GUCY1A2: variants seen among roughly 807,000 people sequenced by gnomAD.
GUCY1A2 encodes guanylate cyclase 1 soluble subunit alpha 2.
Under a neutral mutation model 63.5 loss-of-function variants are expected in GUCY1A2, and 27 were observed. The ratio of observed to expected loss-of-function variants is 0.43; its 90% confidence interval spans 0.31 to 0.59. The LOEUF is 0.59. Ranked by LOEUF, GUCY1A2 falls within the 20% of genes least tolerant of loss-of-function variation. The probability of loss-of-function intolerance (pLI) is 0.11; values close to 1 mark genes in which losing one functional copy is unlikely to be tolerated. For missense variants in GUCY1A2, 768 were observed against 913.3 expected (o/e 0.84, Z 2.05); for synonymous variants, 364 against 343.5 (o/e 1.06, Z -0.66).
Position 107,017,837 on chromosome 11 carries a change from A to G in GUCY1A2, c.219T>C (p.Thr73=). ...GGCGCTGCACCCTCCTGGCCCCGGC[A>G]GTGGCAGCGGCGGCGGCGGCAGAAG... The part of the protein sequence containing the change: ...PAASAAAAAA[T]AGARRVQRRR... Residue 73 remains threonine, a synonymous_variant, in exon 1 of 8, where the codon ACT becomes ACC. Transcript: ENST00000526355. 7.8e-7 allele frequency: 1 copy of G among 1,282,918 alleles called. No individual in the cohort carries two copies. The highest frequency in any genetic ancestry group is 3.3e-5 in the South Asian group (1 of 30,538). The allele number at this position is 1,282,918 out of a possible 1,614,324, so 79.5% of individuals were successfully genotyped here.
chr11:106,762,632 T>C (rs1864085628), intron 6 of GUCY1A2, among the ~76,000 whole-genome samples: 2 of 152,172 alleles, frequency 1.3e-5, no homozygotes, highest in Non-Finnish European at 2.9e-5. Flanking sequence ...CTATTTTCTG[T>C]ATACTACATA....
intron 6 of GUCY1A2, among the ~76,000 whole-genome samples, chr11:106,745,433 T>C (rs993729960): frequency 6.6e-6 from 1 of 152,226 alleles, no homozygotes; most frequent in Non-Finnish European, 1.5e-5. Flanking sequence ...ATTATAACTC[T>C]CACTAAATTG....
In GUCY1A2 at chr11:106,754,682, GC is replaced by G. The variant is rs1218517136; in HGVS notation, c.1836+21756del. Among the ~76,000 whole-genome samples the G allele has an allele frequency of 2.0e-5, 3 of 152,174 alleles. No homozygotes were observed. The East Asian group carries it at 5.8e-4, about 29-fold the overall frequency. On this transcript the variant is annotated intron_variant, in intron 6 of 7. Transcript: ENST00000526355. ...TTTATTGATTGCATATGTTGAACCA[GC>G]CTTGCAACCCAGGGATGAAGCTGAC...
chr11:106,706,370 G>A (rs1224146881), intron 7 of GUCY1A2, among the ~76,000 whole-genome samples: 2 of 152,018 alleles, frequency 1.3e-5, no homozygotes, highest in Admixed American at 6.6e-5. Flanking sequence ...ATTTTGGGGG[G>A]CCTGGGGGTG....
chr11:106,799,383 T>C (rs1016035470), intron 5 of GUCY1A2, among the ~76,000 whole-genome samples: 2 of 152,104 alleles, frequency 1.3e-5, no homozygotes, highest in Admixed American at 6.5e-5. Context: ...CTTCACAGAA[T>C]TGGAAAAAAC....
intron 4 of GUCY1A2, among the ~76,000 whole-genome samples, chr11:106,923,768 G>A (rs1005048382): frequency 6.6e-6 from 1 of 151,958 alleles, no homozygotes; most frequent in African/African-American, 2.4e-5. Flanking sequence ...GACAGAACAG[G>A]TTATAAAATA....
chr11:106,960,933 A>T (rs750652402), intron 3 of GUCY1A2, among the ~76,000 whole-genome samples: 2 of 152,146 alleles, frequency 1.3e-5, no homozygotes, highest in African/African-American at 2.4e-5. Context: ...CAGAGATTAG[A>T]CGATATTAGT....
intron 5 of GUCY1A2, among the ~76,000 whole-genome samples, chr11:106,782,582 CT>C (rs1424862531): frequency 1.3e-5 from 2 of 152,172 alleles, no homozygotes; most frequent in Non-Finnish European, 1.5e-5. Flanking sequence ...GCCCAATCAG[CT>C]GACATTTGTT....
intron 4 of GUCY1A2, among the ~76,000 whole-genome samples, chr11:106,882,055 CTTTCT>C (rs1236989866): frequency 5.3e-5 from 8 of 151,792 alleles, no homozygotes; most frequent in South Asian, 4.1e-4. Flanking sequence ...CTCTCATTCT[CTTTCT>C]TTTCTTTTCT....
chr11:106,731,472 G>A (rs919537771), intron 6 of GUCY1A2, among the ~76,000 whole-genome samples: 1 of 152,030 alleles, frequency 6.6e-6, no homozygotes, highest in Non-Finnish European at 1.5e-5. Context: ...TTGAAAGCCG[G>A]AACAAGACAA....
rs1479774323 is a variant in GUCY1A2 at position 106,680,528 on chromosome 11, A to G, written c.*7021T>C. The stretch of plus-strand genomic sequence containing the variant: ...GTCTAATATAAAGAATGATCTGATC[A>G]GCAACTAGCTGAATTAACTGGAAGG... On this transcript the variant is annotated 3_prime_UTR_variant, in exon 8 of 8. Coordinates refer to ENST00000526355, the MANE Select transcript of GUCY1A2 (RefSeq NM_000855.3). 1.0e-5 allele frequency: 2 copies of G among 198,036 alleles called. No homozygotes were observed. The highest frequency in any genetic ancestry group is 1.0e-5 in the Non-Finnish European group (1 of 95,868). 12.3% of individuals were successfully genotyped at this position (198,036 alleles called of 1,614,324 possible).
chr11:106,889,802 A>G, intron 4 of GUCY1A2, among the ~76,000 whole-genome samples: 1 of 152,226 alleles, frequency 6.6e-6, no homozygotes, highest in East Asian at 1.9e-4. Context: ...AGCCTATATT[A>G]CAACCAAGGT....
intron 4 of GUCY1A2, chr11:106,827,682 C>G: frequency 6.5e-7 from 1 of 1,548,292 alleles, no homozygotes; most frequent in Non-Finnish European, 8.9e-7. Context: ...TAACATGGTA[C>G]TTGATTGTTC....
At chr11:106,952,985 C>G (rs1011007505) in intron 3 of GUCY1A2, among the ~76,000 whole-genome samples, 3 of 152,142 alleles carry the variant, frequency 2.0e-5, no homozygotes, top group Non-Finnish European at 2.9e-5. Flanking sequence ...ACAGAGACAA[C>G]TTGACTTCCT....
chr11:106,779,656 G>GAA lies in GUCY1A2; in HGVS notation c.1693-3076_1693-3075dup, dbSNP rs11455773. ...CATCAGCATCTCAATTATCTTTTCA[G>GAA]AAAAAAAAATGCATTGAATTCCATT... On this transcript the variant is annotated intron_variant, in intron 5 of 7. Transcript: ENST00000526355. Among the ~76,000 whole-genome samples, 266 of 151,464 alleles carry GAA rather than the reference G, an allele frequency of 1.8e-3. 1 individual carries two copies. Among genetic ancestry groups the GAA allele is most frequent in the African/African-American group, 5.5e-3 (227 of 41,272 alleles).
intron 4 of GUCY1A2, among the ~76,000 whole-genome samples, chr11:106,813,548 A>G (rs1254544572): frequency 6.6e-6 from 1 of 151,918 alleles, no homozygotes; most frequent in Non-Finnish European, 1.5e-5. Flanking sequence ...CATGTTTTAT[A>G]TTTTTGCCTA....
At chr11:106,824,133 G>A in intron 4 of GUCY1A2, 2 of 1,504,186 alleles carry the variant, frequency 1.3e-6, no homozygotes, top group Non-Finnish European at 1.8e-6. Context: ...GAACAATGAG[G>A]CACATGCTAT....
At chr11:106,940,936 T>C (rs1248566737) in intron 3 of GUCY1A2, among the ~76,000 whole-genome samples, 1 of 152,174 alleles carries the variant, frequency 6.6e-6, no homozygotes, top group Non-Finnish European at 1.5e-5. Context: ...TCGAAATGCA[T>C]GTATTAAGTG....
At chr11:106,805,474 G>A (rs1001628695) in intron 5 of GUCY1A2, among the ~76,000 whole-genome samples, 4 of 152,110 alleles carry the variant, frequency 2.6e-5, no homozygotes, top group African/African-American at 9.7e-5. Context: ...TCGAACTCCT[G>A]ACCTCAGGTG....
Sources: gnomAD v4.1 joint callset for allele counts (sites outside exome capture counted in the v4.1 genomes callset) on GRCh38, gnomAD v4.1.1 for gene constraint, MANE v1.5 for transcripts, NCBI Gene and HGNC (gene_info 2026-07-23, HGNC 2026-07-21) for gene names.